The following ADAMTSL1 variants were observed in gnomAD, a reference collection of about 807,000 sequenced individuals.
The protein encoded by ADAMTSL1 is ADAMTS like 1.
A neutral mutation model predicts 201.8 loss-of-function variants in ADAMTSL1; 126 were observed. The observed-to-expected ratio is 0.62, with a 90% CI of 0.54 to 0.72. The LOEUF (loss-of-function observed/expected upper bound fraction) is 0.72, where lower values mean the gene tolerates loss of function less well. Ranked by LOEUF, ADAMTSL1 falls within the 30% of genes least tolerant of loss-of-function variation. The pLI is 0.00. For missense variants in ADAMTSL1, 2,679 were observed against 2,277.8 expected (o/e 1.18, Z -3.59); for synonymous variants, 1,121 against 903.4 (o/e 1.24, Z -4.32).
chr9:18,223,731 A>G (rs1405784905), intron 2 of ADAMTSL1, among the ~76,000 whole-genome samples: 2 of 152,188 alleles, frequency 1.3e-5, no homozygotes, highest in South Asian at 2.1e-4. Flanking sequence ...AGTATATGCA[A>G]TGTATCTATC....
rs1430818652 is a variant in ADAMTSL1 at position 18,181,709 on chromosome 9, C to G, written c.207+17728C>G. Among the ~76,000 whole-genome samples the G allele has an allele frequency of 5.9e-5, 9 of 151,940 alleles. No individual in the cohort carries two copies. The South Asian group carries it at 8.3e-4, about 14-fold the overall frequency. On this transcript the variant is annotated intron_variant, in intron 2 of 29. Coordinates refer to the ADAMTSL1 transcript ENST00000680146. ...TGGTGGGACTGTAAACTAGTTCAAC[C>G]CTTGTGGAAGTCAGTGTGGCGATTC...
intron 23 of ADAMTSL1, among the ~76,000 whole-genome samples, chr9:18,835,959 A>T (rs527516073): frequency 1.3e-5 from 2 of 152,200 alleles, no homozygotes; most frequent in Admixed American, 6.6e-5. Flanking sequence ...TAGTGCTGCA[A>T]TGAACACACA....
chr9:18,247,388 T>C (rs73643209), intron 2 of ADAMTSL1, among the ~76,000 whole-genome samples: 3,651 of 152,320 alleles, frequency 0.024, 104 homozygotes, highest in African/African-American at 0.069. Context: ...TCTATTTTCA[T>C]CAATAATTTT....
At chr9:17,914,721 G>T (rs1395094926) in intron 1 of ADAMTSL1, among the ~76,000 whole-genome samples, 1 of 151,950 alleles carries the variant, frequency 6.6e-6, no homozygotes, top group Admixed American at 6.6e-5. Context: ...AGGAAAAGAG[G>T]AAGTCAAATT....
At chr9:18,443,970 G>A (rs368598896) in intron 2 of ADAMTSL1, among the ~76,000 whole-genome samples, 40 of 152,212 alleles carry the variant, frequency 2.6e-4, no homozygotes, top group Middle Eastern at 6.9e-3. Flanking sequence ...ATGATCTTGT[G>A]TTCTAATGAC....
intron 2 of ADAMTSL1, among the ~76,000 whole-genome samples, chr9:18,179,875 G>A (rs1159710977): frequency 2.0e-5 from 3 of 151,954 alleles, no homozygotes; most frequent in Non-Finnish European, 4.4e-5. Context: ...CCTGAAGGAA[G>A]CGCTAAACAT....
In ADAMTSL1 at chr9:18,813,928, G is replaced by C. The variant is rs564497649; in HGVS notation, c.3806-3181G>C. ...AAAAATTTCAGTTATTCCCCATTCAGTATTATATTAGCTGTGGATTTGTCA... is the reference window on the plus strand; with the variant it reads ...AAAAATTTCAGTTATTCCCCATTCACTATTATATTAGCTGTGGATTTGTCA... On this transcript the variant is annotated intron_variant, in intron 20 of 28. Transcript: ENST00000380548. Among the ~76,000 whole-genome samples, 538 of 152,250 alleles carry C rather than the reference G, an allele frequency of 3.5e-3. 1 individual carries two copies. The highest frequency in any genetic ancestry group is 6.8e-3 in the Middle Eastern group (2 of 294).
At chr9:18,041,316 G>A (rs117822310) in intron 1 of ADAMTSL1, among the ~76,000 whole-genome samples, 4 of 152,268 alleles carry the variant, frequency 2.6e-5, no homozygotes, top group East Asian at 3.9e-4. Context: ...TAATGTGTTA[G>A]TTGTATTAGA....
In ADAMTSL1 at chr9:17,936,302, C is replaced by G. The variant is rs144528982; in HGVS notation, c.87+29380C>G. Among the ~76,000 whole-genome samples, 1,203 of 152,192 alleles carry G rather than the reference C, an allele frequency of 7.9e-3. 16 individuals carry two copies. Among genetic ancestry groups the G allele is most frequent in the African/African-American group, 0.028 (1,143 of 41,530 alleles). ...ATGCTTTAAAAAAAATCACTGTAGT[C>G]CATTTTTAAATTATGACTCTTTTGT... On this transcript the variant is annotated intron_variant, in intron 1 of 29. Transcript: ENST00000680146.
chr9:18,116,416 A>C (rs1470152448), intron 1 of ADAMTSL1, among the ~76,000 whole-genome samples: 1 of 152,174 alleles, frequency 6.6e-6, no homozygotes, highest in Non-Finnish European at 1.5e-5. Context: ...AATTATATTG[A>C]GTATTCTGAA....
chr9:18,483,617 G>A (rs183481764), intron 1 of ADAMTSL1, among the ~76,000 whole-genome samples: 202 of 152,300 alleles, frequency 1.3e-3, no homozygotes, highest in Non-Finnish European at 2.3e-3. Flanking sequence ...CAGGAGGTCA[G>A]GAGATCGAGA....
At chr9:18,410,435 C>T (rs1469702483) in intron 2 of ADAMTSL1, among the ~76,000 whole-genome samples, 1 of 152,154 alleles carries the variant, frequency 6.6e-6, no homozygotes, top group Non-Finnish European at 1.5e-5. Context: ...TCCATGTATT[C>T]TCATCAGTCA....
At chr9:18,039,396 T>G (rs1395425575) in intron 1 of ADAMTSL1, among the ~76,000 whole-genome samples, 7 of 152,258 alleles carry the variant, frequency 4.6e-5, no homozygotes, top group Admixed American at 3.9e-4. Context: ...AGGTGACTGT[T>G]TTTAAAAAAA....
At chr9:18,420,349 C>T (rs10810967) in intron 2 of ADAMTSL1, among the ~76,000 whole-genome samples, 46,946 of 151,934 alleles carry the variant, frequency 0.31, 7,976 homozygotes, top group East Asian at 0.44. Flanking sequence ...CACTGTAGAC[C>T]CAGGACCAGC....
chr9:17,909,147 C>T (rs10963328), intron 1 of ADAMTSL1, among the ~76,000 whole-genome samples: 74,218 of 135,242 alleles, frequency 0.55, 22,764 homozygotes, highest in East Asian at 0.95. Context: ...TCATGTCCTT[C>T]GCCCACTTTT....
intron 1 of ADAMTSL1, among the ~76,000 whole-genome samples, chr9:18,142,418 C>T (rs7034973): frequency 0.18 from 27,569 of 152,182 alleles, 2,786 homozygotes; most frequent in South Asian, 0.27. Context: ...TCATAATATG[C>T]GTTCTTTAAA....
rs1390264208 is a variant in ADAMTSL1, at chr9:18,133,576, C to A, written c.88-30286C>A. ...ATTGCTACTGAAACTAACTGATGTT[C>A]AGGCTGTATACCACGAGCTTTTGAT... is the stretch of plus-strand genomic sequence containing the variant. On this transcript the variant is annotated intron_variant, in intron 1 of 29. Coordinates refer to the ADAMTSL1 transcript ENST00000680146. Among the ~76,000 whole-genome samples the A allele has an allele frequency of 3.3e-5, 5 of 152,154 alleles. No homozygotes were observed. The East Asian group carries it at 9.6e-4, about 29-fold the overall frequency.
intron 1 of ADAMTSL1, among the ~76,000 whole-genome samples, chr9:18,137,608 C>G (rs1826215645): frequency 6.6e-6 from 1 of 152,010 alleles, no homozygotes; most frequent in Non-Finnish European, 1.5e-5. Context: ...ACGAATTTTT[C>G]CACTGGGATT....
chr9:18,544,219 T>C (rs1394118546), intron 3 of ADAMTSL1, among the ~76,000 whole-genome samples: 3 of 152,196 alleles, frequency 2.0e-5, no homozygotes, highest in African/African-American at 7.2e-5. Context: ...AGTTCTTTCT[T>C]CCACATTGCC....
Sources: allele counts gnomAD v4.1 joint callset (sites outside exome capture counted in the v4.1 genomes callset), GRCh38; gene constraint gnomAD v4.1.1; transcripts MANE v1.5; gene names NCBI Gene and HGNC (gene_info 2026-07-23, HGNC 2026-07-21).